The following TMEM268 variants were observed in gnomAD, a reference collection of about 807,000 sequenced individuals.
TMEM268 encodes the protein transmembrane protein 268.
TMEM268 carries 24 observed loss-of-function variants against 39.1 expected under a neutral mutation model. The ratio of observed to expected loss-of-function variants is 0.61; its 90% confidence interval spans 0.44 to 0.86. The LOEUF is 0.86. Among genes scored for constraint, TMEM268 ranks in the 40% least tolerant of loss-of-function variants. TMEM268 has a pLI of 0.00. For synonymous variants in TMEM268, 176 were observed against 173.5 expected (o/e 1.01, Z -0.12); for missense variants, 409 against 428.6 (o/e 0.95, Z 0.40).
intron 5 of TMEM268, among the ~76,000 whole-genome samples, chr9:114,631,291 A>AAAAAAAAAAAAAG (rs1554758594): frequency 0.031 from 729 of 23,158 alleles, 16 homozygotes; most frequent in East Asian, 0.24. Context: ...TCAAAAAAAA[A>AAAAAAAAAAAAAG]AAAAAAAAAA....
chr9:114,613,412 C>A (rs1429451427), intron 1 of TMEM268, among the ~76,000 whole-genome samples: 1 of 152,196 alleles, frequency 6.6e-6, no homozygotes, highest in Non-Finnish European at 1.5e-5. Flanking sequence ...GGGCTGTAGG[C>A]CCCTAGCTAC....
chr9:114,617,128 C>A lies in TMEM268; in HGVS notation c.-68C>A. The A allele has an allele frequency of 9.5e-7, 1 of 1,055,488 alleles. No homozygotes were observed. 65.4% of individuals were successfully genotyped at this position (1,055,488 alleles called of 1,614,324 possible). ...TGCTGTTTTCTGAAGGCATATGATG[C>A]TGAGCTGGCTGCTCCAGAATGAACC... is the stretch of plus-strand genomic sequence containing the variant. On this transcript the variant is annotated 5_prime_UTR_variant, in exon 2 of 9. It adds an upstream start codon to the 5' untranslated region. Transcript: ENST00000288502.
upstream of TMEM268, among the ~76,000 whole-genome samples, chr9:114,609,170 G>T (rs1348839552): frequency 6.6e-6 from 1 of 152,074 alleles, no homozygotes; most frequent in East Asian, 1.9e-4. Context: ...AATTAGCCAG[G>T]CGTGGTGGCA....
At chr9:114,623,123 A>C (rs142739550) in intron 2 of TMEM268, among the ~76,000 whole-genome samples, 191 of 151,776 alleles carry the variant, frequency 1.3e-3, no homozygotes, top group African/African-American at 4.6e-3. Context: ...AACAACAACA[A>C]GCCAAACCAA....
At chr9:114,625,268 A>G (rs1057429580) in intron 3 of TMEM268, among the ~76,000 whole-genome samples, 3 of 152,176 alleles carry the variant, frequency 2.0e-5, no homozygotes, top group African/African-American at 7.2e-5. Context: ...AATACATTGT[A>G]GCTATTATTG....
At chr9:114,629,028 C>T (rs944208100) in intron 5 of TMEM268, among the ~76,000 whole-genome samples, 4 of 152,182 alleles carry the variant, frequency 2.6e-5, no homozygotes, top group Non-Finnish European at 4.4e-5. Flanking sequence ...ACTTTGCAGT[C>T]GAGGAACCCT....
chr9:114,639,149 G>A (rs200951002), intron 8 of TMEM268, among the ~76,000 whole-genome samples: 8 of 150,568 alleles, frequency 5.3e-5, no homozygotes, highest in African/African-American at 2.0e-4. Context: ...ATTTTTTTTT[G>A]TTTAGAACAG....
chr9:114,630,849 T>A (rs1411178471), intron 5 of TMEM268, among the ~76,000 whole-genome samples: 1 of 152,178 alleles, frequency 6.6e-6, no homozygotes, highest in Non-Finnish European at 1.5e-5. Flanking sequence ...CTCCAGGACC[T>A]CCTCCTCCCT....
Position 114,624,427 on chromosome 9 carries a change from G to T in TMEM268, c.184G>T (p.Ala62Ser). 6.3e-7 allele frequency: 1 copy of T among 1,588,436 alleles called. No homozygotes were observed. The highest frequency in any genetic ancestry group is 8.6e-7 in the Non-Finnish European group (1 of 1,165,738). ...ACCCATCTCCTTCGACCTGGGAGCC[G>T]CAGAAGAGCAACTGCAAACTTGGGG... ...CAPISFDLGA[A>S]EEQLQTWGIQ... The change falls in exon 3 of 9, where the codon GCA becomes TCA. Residue 62 changes from alanine (A) to serine (S), a missense_variant. Coordinates refer to ENST00000288502, the MANE Select transcript of TMEM268 (RefSeq NM_153045.4).
Position 114,635,349 on chromosome 9 carries a change from C to CA in TMEM268, c.585+1483dup, listed in dbSNP as rs78652701. On this transcript the variant is annotated intron_variant, in intron 6 of 8. Transcript: ENST00000288502. Reference sequence around the variant, plus strand: ...TGGGCAACAGAGCGAGACTCCATCTCAAAAAAAAAAAATAAAAACAAAACA... The same window carrying CA: ...TGGGCAACAGAGCGAGACTCCATCTCAAAAAAAAAAAAATAAAAACAAAACA... 1.3e-3 allele frequency among the ~76,000 whole-genome samples: 188 copies of CA among 141,350 alleles called. 1 individual carries two copies. Among genetic ancestry groups the CA allele is most frequent in the Middle Eastern group, 3.7e-3 (1 of 268 alleles). 92.7% of individuals were successfully genotyped at this position (141,350 alleles called of 152,430 possible).
intron 2 of TMEM268, among the ~76,000 whole-genome samples, chr9:114,618,820 A>G (rs1442889998): frequency 1.3e-5 from 2 of 152,164 alleles, no homozygotes; most frequent in African/African-American, 2.4e-5. Context: ...GTAAATAATT[A>G]TGTATAAAGT....
intron 2 of TMEM268, among the ~76,000 whole-genome samples, chr9:114,622,910 G>A (rs1161863092): frequency 6.6e-6 from 1 of 151,998 alleles, no homozygotes; most frequent in African/African-American, 2.4e-5. Context: ...GGCCAACATG[G>A]CGAAACTGTG....
intron 8 of TMEM268, among the ~76,000 whole-genome samples, chr9:114,642,678 G>T (rs1446262717): frequency 1.3e-5 from 2 of 151,646 alleles, no homozygotes; most frequent in East Asian, 3.9e-4. Context: ...ACAGAGTCTC[G>T]CTCTGTTGCC....
chr9:114,639,160 G>A (rs1235616959), intron 8 of TMEM268, among the ~76,000 whole-genome samples: 1 of 151,828 alleles, frequency 6.6e-6, no homozygotes, highest in African/African-American at 2.4e-5. Flanking sequence ...TTTAGAACAG[G>A]GTCTCACTCC....
rs577052596 is a variant in TMEM268 at position 114,618,742 on chromosome 9, G to T, written c.106+1441G>T. ...TATCCCTTCCTTGAAGAATCTTCCT[G>T]GTGGCTCAGCCTAAGTCAGGACCCT... is the stretch of plus-strand genomic sequence containing the variant. On this transcript the variant is annotated intron_variant, in intron 2 of 8. Transcript: ENST00000288502. 5.7e-3 allele frequency among the ~76,000 whole-genome samples: 861 copies of T among 152,118 alleles called. 8 individuals are homozygous for T. Among genetic ancestry groups the T allele is most frequent in the African/African-American group, 0.02 (811 of 41,498 alleles).
At chr9:114,625,667 T>C (rs1477813705) in intron 3 of TMEM268, among the ~76,000 whole-genome samples, 3 of 151,878 alleles carry the variant, frequency 2.0e-5, no homozygotes, top group Non-Finnish European at 4.4e-5. Flanking sequence ...GGTCTCGAAC[T>C]CCTGACTTCA....
intron 2 of TMEM268, among the ~76,000 whole-genome samples, chr9:114,621,345 C>CAA (rs34338222): frequency 0.014 from 1,856 of 135,834 alleles, 51 homozygotes; most frequent in African/African-American, 0.045. Flanking sequence ...GATGCTGTCT[C>CAA]AAAAAAAAAA....
chr9:114,627,945 A>G (rs550614734), intron 4 of TMEM268, among the ~76,000 whole-genome samples, 156 bp from the exon 5 acceptor site: 18 of 152,320 alleles, frequency 1.2e-4, no homozygotes, highest in African/African-American at 4.3e-4. Context: ...GCTCATTCTC[A>G]CAGATCCAGG....
Position 114,637,019 on chromosome 9 carries a change from CT to C in TMEM268, c.616del (p.Cys206ValfsTer12). On this transcript the variant is annotated frameshift_variant, in exon 7 of 9. Transcript: ENST00000288502. LOFTEE classifies it high-confidence loss of function. The part of the protein sequence containing the change: ...LWFVYFDLEN[C>X]VQFLSDHVQE... ...GGTTTGTCTACTTCGACCTGGAGAA[CT>C]GTGTGCAGTTTTTGTCTGATCATGT... is the stretch of plus-strand genomic sequence containing the variant. The C allele has an allele frequency of 3.7e-6, 6 of 1,613,468 alleles. No homozygotes were observed. Among genetic ancestry groups the C allele is most frequent in the Non-Finnish European group, 5.1e-6 (6 of 1,179,500 alleles).
Sources: allele counts gnomAD v4.1 joint callset (sites outside exome capture counted in the v4.1 genomes callset), GRCh38; gene constraint gnomAD v4.1.1; transcripts MANE v1.5; gene names NCBI Gene and HGNC (gene_info 2026-07-23, HGNC 2026-07-21).